Variants in KCNQ5 observed in about 807,000 individuals in gnomAD.
KCNQ5 encodes the protein potassium voltage-gated channel subfamily Q member 5.
Under a neutral mutation model 98.2 loss-of-function variants are expected in KCNQ5, and 30 were observed. The observed-to-expected ratio is 0.31, with a 90% CI of 0.23 to 0.41. The LOEUF (loss-of-function observed/expected upper bound fraction) is 0.41, where lower values mean the gene tolerates loss of function less well. Among genes scored for constraint, KCNQ5 ranks in the 10% least tolerant of loss-of-function variants. The pLI, the probability that KCNQ5 is intolerant of heterozygous loss-of-function variation, is 1.00. For synonymous variants in KCNQ5, 458 were observed against 449.4 expected, an observed-to-expected ratio of 1.02 and a Z score of -0.24; for missense variants, 835 against 1,182.5, an observed-to-expected ratio of 0.71 and a Z score of 4.31.
chr6:73,190,303 G>T (rs892433054), intron 11 of KCNQ5, among the ~76,000 whole-genome samples: 1 of 152,058 alleles, frequency 6.6e-6, no homozygotes, highest in African/African-American at 2.4e-5. Flanking sequence ...TTACATTCAG[G>T]GTTTCAACGG....
At chr6:73,189,893 C>G (rs1765520279) in intron 11 of KCNQ5, among the ~76,000 whole-genome samples, 1 of 151,676 alleles carries the variant, frequency 6.6e-6, no homozygotes, top group African/African-American at 2.4e-5. Flanking sequence ...ATGGCAGGAC[C>G]CAGTGGCTCA....
chr6:72,846,168 CAA>C (rs894892516), intron 1 of KCNQ5, among the ~76,000 whole-genome samples: 1 of 152,038 alleles, frequency 6.6e-6, no homozygotes, highest in Non-Finnish European at 1.5e-5. Context: ...AATATAGTGT[CAA>C]AAAATGAGAC....
chr6:72,939,674 C>T (rs978631627), intron 1 of KCNQ5, among the ~76,000 whole-genome samples: 5 of 152,202 alleles, frequency 3.3e-5, no homozygotes, highest in Admixed American at 1.3e-4. Context: ...CTTTCACTCA[C>T]TCAACACATA....
chr6:72,988,649 C>CTTTTTTTTTTTTT (rs71540364), intron 1 of KCNQ5, among the ~76,000 whole-genome samples: 1 of 127,870 alleles, frequency 7.8e-6, no homozygotes, highest in African/African-American at 2.9e-5. Context: ...GCATGATTTT[C>CTTTTTTTTTTTTT]TTTTTTTTTT....
intron 1 of KCNQ5, among the ~76,000 whole-genome samples, chr6:72,672,390 G>A (rs371572263): frequency 3.9e-4 from 60 of 152,178 alleles, no homozygotes; most frequent in African/African-American, 1.3e-3. Context: ...GAGCCACTGC[G>A]CCCAGCCTTC....
At chr6:72,959,357 GAAGA>G (rs1767231380) in intron 1 of KCNQ5, among the ~76,000 whole-genome samples, 1 of 152,180 alleles carries the variant, frequency 6.6e-6, no homozygotes. Context: ...GCAAGGAAAG[GAAGA>G]GAGAATGGTT....
intron 10 of KCNQ5, chr6:73,158,260 T>TTTTTTTGTTG: frequency 5.9e-6 from 1 of 168,266 alleles, no homozygotes. Flanking sequence ...GAAGATTTTT[T>TTTTTTTGTTG]TTTTTTTTTT....
At chr6:72,892,758 A>AT (rs1779106067) in intron 1 of KCNQ5, among the ~76,000 whole-genome samples, 1 of 151,940 alleles carries the variant, frequency 6.6e-6, no homozygotes, top group African/African-American at 2.4e-5. Context: ...GATGTTCCAG[A>AT]TTTTGAAACA....
intron 1 of KCNQ5, among the ~76,000 whole-genome samples, chr6:72,825,966 G>T (rs960361573): frequency 1.3e-5 from 2 of 152,100 alleles, no homozygotes; most frequent in Non-Finnish European, 2.9e-5. Flanking sequence ...AATCACAGTT[G>T]CCTCCATGGG....
At chr6:73,029,076 AGT>A (rs1315284125) in intron 2 of KCNQ5, among the ~76,000 whole-genome samples, 1 of 152,196 alleles carries the variant, frequency 6.6e-6, no homozygotes, top group African/African-American at 2.4e-5. Flanking sequence ...GCAAGCAGGC[AGT>A]GATGTATTAA....
chr6:72,862,828 G>A (rs893138348), intron 1 of KCNQ5, among the ~76,000 whole-genome samples: 2 of 151,960 alleles, frequency 1.3e-5, no homozygotes, highest in African/African-American at 4.8e-5. Flanking sequence ...AAGTCTCACT[G>A]TGTTGCCCAG....
In KCNQ5 at chr6:72,622,615, C is replaced by T. The variant is rs985078705; in HGVS notation, c.398+28C>T. Reference sequence around the variant, plus strand: ...GAGTACCCGCGCCCCCTGCTATGCCCGCTGCAGGGGACCACTGTCCCTGGC... The same window carrying T: ...GAGTACCCGCGCCCCCTGCTATGCCTGCTGCAGGGGACCACTGTCCCTGGC... On this transcript the variant is annotated intron_variant, in intron 1 of 13. Coordinates refer to ENST00000370398, the MANE Select transcript of KCNQ5 (RefSeq NM_019842.4). The surrounding 1 kb of genome is among the most constrained non-coding windows in gnomAD (Gnocchi z 6.0). 2 of 1,609,758 alleles carry T rather than the reference C, an allele frequency of 1.2e-6. No individual in the cohort carries two copies. The highest frequency in any genetic ancestry group is 1.7e-6 in the Non-Finnish European group (2 of 1,178,298).
chr6:73,159,554 C>A (rs1318392949), intron 10 of KCNQ5, among the ~76,000 whole-genome samples: 2 of 152,108 alleles, frequency 1.3e-5, no homozygotes, highest in African/African-American at 4.8e-5. Context: ...AAAAATTAAT[C>A]CAATTTATAT....
At chr6:72,741,780 A>G (rs778491615) in intron 1 of KCNQ5, among the ~76,000 whole-genome samples, 8 of 152,204 alleles carry the variant, frequency 5.3e-5, no homozygotes, top group African/African-American at 1.9e-4. Context: ...TCTATGAGAA[A>G]AAAACAAAAC....
intron 1 of KCNQ5, among the ~76,000 whole-genome samples, chr6:72,882,152 C>G (rs1408659454): frequency 6.6e-6 from 1 of 151,988 alleles, no homozygotes; most frequent in Non-Finnish European, 1.5e-5. Context: ...TTTAAATGAA[C>G]AGAATAAAGA....
At chr6:72,700,331 C>CT (rs1768740572) in intron 1 of KCNQ5, among the ~76,000 whole-genome samples, 1 of 150,980 alleles carries the variant, frequency 6.6e-6, no homozygotes, top group Admixed American at 6.6e-5. Context: ...ATCTATCTAT[C>CT]TATCTAATCT....
intron 1 of KCNQ5, among the ~76,000 whole-genome samples, chr6:72,898,863 A>G (rs1779362220): frequency 6.6e-6 from 1 of 152,094 alleles, no homozygotes; most frequent in Non-Finnish European, 1.5e-5. Context: ...TTAAATAATC[A>G]CCATTCTGAC....
intron 1 of KCNQ5, among the ~76,000 whole-genome samples, chr6:72,975,091 A>G (rs1266720874): frequency 6.6e-6 from 1 of 152,152 alleles, no homozygotes; most frequent in African/African-American, 2.4e-5. Flanking sequence ...TTTAGTTTCA[A>G]CTATGCACCT....
intron 1 of KCNQ5, among the ~76,000 whole-genome samples, chr6:72,806,503 A>G (rs981958620): frequency 6.6e-6 from 1 of 152,192 alleles, no homozygotes; most frequent in African/African-American, 2.4e-5. Context: ...GGTCAGTTCA[A>G]CAAAAGCCTT....
Sources: allele counts gnomAD v4.1 joint callset (sites outside exome capture counted in the v4.1 genomes callset), GRCh38; gene constraint gnomAD v4.1.1; non-coding constraint Gnocchi (gnomAD v3.1); transcripts MANE v1.5; gene names NCBI Gene and HGNC (gene_info 2026-07-23, HGNC 2026-07-21).